The following NOL10 variants were observed in gnomAD, a reference collection of about 807,000 sequenced individuals.
NOL10 encodes nucleolar protein 10.
NOL10 carries 58 observed loss-of-function variants against 103.5 expected under a neutral mutation model. That is an observed-to-expected ratio of 0.56 (90% confidence interval 0.45 to 0.70). The LOEUF (loss-of-function observed/expected upper bound fraction) is 0.70. NOL10 is among the 30% of genes least tolerant of loss of function. NOL10 has a pLI of 0.00. For synonymous variants in NOL10, 287 were observed against 282.5 expected (o/e 1.02, Z -0.16); for missense variants, 763 against 807.3 (o/e 0.95, Z 0.67).
intron 1 of NOL10, among the ~76,000 whole-genome samples, chr2:10,687,453 C>T (rs993667549): frequency 1.3e-5 from 2 of 152,178 alleles, no homozygotes; most frequent in Non-Finnish European, 2.9e-5. Flanking sequence ...TTGCTGGGTT[C>T]CCCTCCTCTT....
intron 19 of NOL10, 76 bp from the exon 20 acceptor site, chr2:10,577,814 G>T: frequency 1.1e-6 from 1 of 946,028 alleles, no homozygotes; most frequent in Non-Finnish European, 1.6e-6. Flanking sequence ...GTTTTGATTA[G>T]AATTGATAGC....
intron 20 of NOL10, among the ~76,000 whole-genome samples, chr2:10,576,913 G>GAAAA (rs141148925): frequency 6.6e-6 from 1 of 150,584 alleles, no homozygotes; most frequent in Non-Finnish European, 1.5e-5. Flanking sequence ...ACTGCTTAAG[G>GAAAA]AAAAAAAAAG....
intron 3 of NOL10, among the ~76,000 whole-genome samples, chr2:10,680,154 G>A (rs1160032155): frequency 6.6e-6 from 1 of 152,002 alleles, no homozygotes; most frequent in Non-Finnish European, 1.5e-5. Flanking sequence ...GCGAGCACCT[G>A]TAGTCCCAGC....
chr2:10,611,208 T>C (rs1269424540), intron 13 of NOL10, among the ~76,000 whole-genome samples: 6 of 152,232 alleles, frequency 3.9e-5, no homozygotes, highest in African/African-American at 9.6e-5. Context: ...GATAATCATA[T>C]CAACCAATCT....
intron 13 of NOL10, among the ~76,000 whole-genome samples, chr2:10,623,331 C>G (rs1015881805): frequency 3.3e-5 from 5 of 152,104 alleles, no homozygotes; most frequent in African/African-American, 1.2e-4. Flanking sequence ...CAAGCTCTTC[C>G]CAAACAGACT....
chr2:10,657,655 C>T lies in NOL10; in HGVS notation c.906+87G>A, dbSNP rs1679929343. 4 of 1,166,318 alleles carry T rather than the reference C, an allele frequency of 3.4e-6. No homozygotes were observed. In the Admixed American group the frequency reaches 7.7e-5, roughly 22 times the overall value. The allele number at this position is 1,166,318 out of a possible 1,614,324, so 72.2% of individuals were successfully genotyped here. A position where few individuals can be genotyped will look rare whatever the true frequency, so the allele number is the denominator to read the frequency against. Reference sequence around the variant, plus strand: ...ATATTCAGTATCTCTTTCCCAATAACCCACATAAAAAAGGAAAGGGAGAGG... The same window carrying T: ...ATATTCAGTATCTCTTTCCCAATAATCCACATAAAAAAGGAAAGGGAGAGG... On this transcript the variant is annotated intron_variant, in intron 11 of 20. Transcript: ENST00000381685.
intron 13 of NOL10, among the ~76,000 whole-genome samples, chr2:10,619,682 A>C (rs1677019320): frequency 6.6e-6 from 1 of 152,204 alleles, no homozygotes; most frequent in African/African-American, 2.4e-5. Flanking sequence ...TCAATTCTCA[A>C]GGAAGAAAAA....
At chr2:10,685,103 T>G (rs1682060361) in intron 1 of NOL10, among the ~76,000 whole-genome samples, 1 of 152,248 alleles carries the variant, frequency 6.6e-6, no homozygotes. Context: ...GGGTTATAAC[T>G]AAATATATGG....
chr2:10,645,967 A>C (rs113886390), intron 12 of NOL10, among the ~76,000 whole-genome samples: 139 of 150,552 alleles, frequency 9.2e-4, no homozygotes, highest in Non-Finnish European at 1.4e-3. Flanking sequence ...ACACACACAC[A>C]CCCCGTAAAA....
intron 13 of NOL10, among the ~76,000 whole-genome samples, chr2:10,638,320 G>GTAACGTA (rs1558311220): frequency 9.4e-5 from 12 of 127,038 alleles, no homozygotes; most frequent in African/African-American, 5.1e-4. Context: ...GACGTGACGT[G>GTAACGTA]ACGTGACGTG....
At chr2:10,593,084 A>G (rs1010145691) in intron 17 of NOL10, among the ~76,000 whole-genome samples, 2 of 152,110 alleles carry the variant, frequency 1.3e-5, no homozygotes, top group Non-Finnish European at 2.9e-5. Context: ...TTTTGTTCCA[A>G]CATAGTAACA....
At position 10,657,832 on chromosome 2, in the gene NOL10, C is replaced by G; in HGVS notation, c.816G>C (p.Gly272=). 6.5e-7 allele frequency: 1 copy of G among 1,550,136 alleles called. No homozygotes were observed. The highest frequency in any genetic ancestry group is 8.7e-7 in the Non-Finnish European group (1 of 1,146,112). ...KPLLVKDHQY[G]LPIKSVHFQD... ...GGAAATGAACGGACTTAATGGGCAG[C>G]CCATACTGGTGATCTTTAACTAGCA... is the stretch of plus-strand genomic sequence containing the variant. The change falls in exon 11 of 21, where the codon GGG becomes GGC. Residue 272 remains glycine, a synonymous_variant. Transcript: ENST00000381685.
Position 10,689,849 on chromosome 2 carries a change from T to G in NOL10, c.13A>C (p.Ser5Arg). The change falls in exon 1 of 21, where the codon AGC becomes CGC. Residue 5 changes from serine (S) to arginine (R), a missense_variant. Physicochemically the swap from Ser to Arg is moderately radical, Grantham distance 110 (BLOSUM62 -1). Coordinates refer to ENST00000381685, the MANE Select transcript of NOL10 (RefSeq NM_024894.4). MQVS[S>R]LNEVKIYSLS... ...CTGTAAATCTTCACCTCATTGAGGC[T>G]GGAGACCTGCATGGCGCCGCACAAC... 1 of 1,607,102 alleles carries G rather than the reference T, an allele frequency of 6.2e-7. No homozygotes were observed. Among genetic ancestry groups the G allele is most frequent in the Non-Finnish European group, 8.5e-7 (1 of 1,176,962 alleles).
chr2:10,684,213 T>C (rs1427759968), intron 2 of NOL10, among the ~76,000 whole-genome samples: 2 of 150,710 alleles, frequency 1.3e-5, no homozygotes, highest in Non-Finnish European at 2.9e-5. Flanking sequence ...GAGGTGGAGG[T>C]TGCAGTGAGC....
At chr2:10,643,067 G>A (rs976334166) in intron 13 of NOL10, among the ~76,000 whole-genome samples, 7 of 152,202 alleles carry the variant, frequency 4.6e-5, no homozygotes, top group Non-Finnish European at 8.8e-5. Flanking sequence ...TAAGTTGACA[G>A]GAATATGAAT....
chr2:10,600,250 C>A (rs967736381), intron 17 of NOL10, among the ~76,000 whole-genome samples: 1 of 152,170 alleles, frequency 6.6e-6, no homozygotes, highest in Admixed American at 6.5e-5. Flanking sequence ...ACAATACCAA[C>A]TAAACAAAGT....
At chr2:10,680,134 G>C (rs147352831) in intron 3 of NOL10, among the ~76,000 whole-genome samples, 2 of 151,876 alleles carry the variant, frequency 1.3e-5, no homozygotes, top group Non-Finnish European at 2.9e-5. Flanking sequence ...GACATTAGCC[G>C]GGTGTGGTGG....
chr2:10,658,214 T>A (rs1258394151), intron 10 of NOL10, among the ~76,000 whole-genome samples: 1 of 152,192 alleles, frequency 6.6e-6, no homozygotes, highest in Admixed American at 6.5e-5. Context: ...GGCAGTGTCA[T>A]AGCAACAGAT....
rs1283711995 is a variant in NOL10, at chr2:10,624,820, G to A, written c.1027-17509C>T. Among the ~76,000 whole-genome samples, 5 of 152,116 alleles carry A rather than the reference G, an allele frequency of 3.3e-5. No homozygotes were observed. The East Asian group carries it at 7.7e-4, about 23-fold the overall frequency. On this transcript the variant is annotated intron_variant, in intron 13 of 20. Transcript: ENST00000381685. ...CTTATGTGCACATAAGAACCTACAC[G>A]AGAATGTTTAGAGCGGCTTTATTCC...
Sources: gnomAD v4.1 joint callset for allele counts (sites outside exome capture counted in the v4.1 genomes callset) on GRCh38, gnomAD v4.1.1 for gene constraint, MANE v1.5 for transcripts, NCBI Gene and HGNC (gene_info 2026-07-23, HGNC 2026-07-21) for gene names.